CNTNAP2: variants seen among roughly 807,000 people sequenced by gnomAD.
The protein encoded by CNTNAP2 is contactin-associated protein-like 2.
In CNTNAP2, 98 loss-of-function variants were observed where a neutral mutation model predicts 155.2. The observed-to-expected ratio is 0.63, with a 90% CI of 0.54 to 0.75. The LOEUF (loss-of-function observed/expected upper bound fraction) is 0.75, where lower values mean the gene tolerates loss of function less well. CNTNAP2 is among the 30% of genes least tolerant of loss of function. The pLI, the probability that CNTNAP2 is intolerant of heterozygous loss-of-function variation, is 0.00. For missense variants in CNTNAP2, 1,727 were observed against 1,688.1 expected, an observed-to-expected ratio of 1.02 and a Z score of -0.40; for synonymous variants, 651 against 631.2, an observed-to-expected ratio of 1.03 and a Z score of -0.47.
At chr7:146,544,797 C>T (rs1798005568) in intron 1 of CNTNAP2, among the ~76,000 whole-genome samples, 1 of 151,732 alleles carries the variant, frequency 6.6e-6, no homozygotes, top group African/African-American at 2.4e-5. Context: ...GTGGTTCTTG[C>T]TAAGGAAGAT....
chr7:148,338,175 A>G (rs1798155124), intron 21 of CNTNAP2, among the ~76,000 whole-genome samples: 1 of 152,172 alleles, frequency 6.6e-6, no homozygotes, highest in South Asian at 2.1e-4. Context: ...ATGTTATATA[A>G]ATGGAGACAT....
intron 20 of CNTNAP2, among the ~76,000 whole-genome samples, chr7:148,246,261 T>C (rs1317702362): frequency 1.3e-5 from 2 of 152,256 alleles, no homozygotes; most frequent in Non-Finnish European, 2.9e-5. Context: ...AAAAAGGATG[T>C]GTCTGCTACG....
At chr7:148,298,984 A>C (rs1797332844) in intron 21 of CNTNAP2, among the ~76,000 whole-genome samples, 1 of 149,408 alleles carries the variant, frequency 6.7e-6, no homozygotes. Context: ...CACCTGGCCA[A>C]CTTTTTTTTT....
intron 2 of CNTNAP2, among the ~76,000 whole-genome samples, chr7:146,824,862 G>GTT (rs370961669): frequency 0.019 from 2,696 of 143,490 alleles, 51 homozygotes; most frequent in African/African-American, 0.05. Context: ...TTTTGGACCT[G>GTT]TTTTTTTTTT....
chr7:148,261,358 C>T (rs1241709176), intron 20 of CNTNAP2, among the ~76,000 whole-genome samples: 1 of 152,184 alleles, frequency 6.6e-6, no homozygotes, highest in Non-Finnish European at 1.5e-5. Context: ...TGGGGTTTCA[C>T]CATGTTGGCC....
At chr7:147,370,784 G>T (rs1796327429) in intron 9 of CNTNAP2, among the ~76,000 whole-genome samples, 1 of 152,034 alleles carries the variant, frequency 6.6e-6, no homozygotes. Context: ...TCTTTACATT[G>T]AATTTGATTT....
intron 1 of CNTNAP2, among the ~76,000 whole-genome samples, chr7:146,200,905 C>A (rs6464735): frequency 6.6e-6 from 1 of 152,098 alleles, no homozygotes; most frequent in African/African-American, 2.4e-5. Flanking sequence ...CCAAAAGAGA[C>A]GTTGCAGGGT....
At chr7:147,411,291 T>C (rs996918360) in intron 10 of CNTNAP2, among the ~76,000 whole-genome samples, 12 of 152,246 alleles carry the variant, frequency 7.9e-5, no homozygotes, top group African/African-American at 2.7e-4. Context: ...GGTATTTTAA[T>C]TGAGCACAAG....
At chr7:148,192,745 C>A (rs1053794260) in intron 18 of CNTNAP2, among the ~76,000 whole-genome samples, 1 of 152,174 alleles carries the variant, frequency 6.6e-6, no homozygotes, top group Non-Finnish European at 1.5e-5. Flanking sequence ...AGAGAGGAGG[C>A]AGTTAATTCA....
intron 1 of CNTNAP2, among the ~76,000 whole-genome samples, chr7:146,332,558 A>G (rs372357965): frequency 6.6e-6 from 1 of 152,150 alleles, no homozygotes; most frequent in African/African-American, 2.4e-5. Flanking sequence ...CCTTAGAAAT[A>G]TGTCACATAT....
chr7:147,461,520 A>G (rs943763887), intron 10 of CNTNAP2, among the ~76,000 whole-genome samples: 11 of 152,342 alleles, frequency 7.2e-5, no homozygotes, highest in African/African-American at 2.6e-4. Flanking sequence ...TTTCATGACC[A>G]TTTATAAAGT....
intron 13 of CNTNAP2, among the ~76,000 whole-genome samples, chr7:147,838,544 G>A (rs1798669282): frequency 6.6e-6 from 1 of 152,092 alleles, no homozygotes; most frequent in Non-Finnish European, 1.5e-5. Flanking sequence ...CAGATACTCT[G>A]AATCATCTCT....
intron 2 of CNTNAP2, among the ~76,000 whole-genome samples, chr7:146,785,691 CATAA>C (rs933895858): frequency 3.4e-4 from 52 of 152,274 alleles, no homozygotes; most frequent in Middle Eastern, 3.4e-3. Flanking sequence ...CAATTATCAT[CATAA>C]ATAAACTAGA....
intron 13 of CNTNAP2, among the ~76,000 whole-genome samples, chr7:147,726,073 G>A (rs1353044179): frequency 2.0e-5 from 3 of 151,986 alleles, no homozygotes; most frequent in South Asian, 2.1e-4. Flanking sequence ...ACAGTATGGC[G>A]ATAGAGAATA....
intron 14 of CNTNAP2, among the ~76,000 whole-genome samples, chr7:147,921,507 A>C (rs1281251902): frequency 2.0e-5 from 3 of 152,208 alleles, no homozygotes; most frequent in African/African-American, 2.4e-5. Context: ...TGTAAAATAG[A>C]CTTTTCCAAA....
At position 147,639,360 on chromosome 7, in the gene CNTNAP2, A is replaced by C. The variant is rs1795238570; in HGVS notation, c.2098+54A>C. The C allele has an allele frequency of 1.9e-6, 3 of 1,541,150 alleles. No individual in the cohort carries two copies. The Admixed American group carries it at 5.3e-5, about 27-fold the overall frequency. ...ATCACTATCTCAGCTGGTGCTTAGA[A>C]TTGCCTAAAGAATCCAACAGGTGTG... On this transcript the variant is annotated intron_variant, in intron 13 of 23. Transcript: ENST00000361727.
At chr7:148,314,108 C>A (rs977760699) in intron 21 of CNTNAP2, among the ~76,000 whole-genome samples, 11 of 151,988 alleles carry the variant, frequency 7.2e-5, no homozygotes, top group African/African-American at 2.7e-4. Context: ...GAATTGGAAC[C>A]TAGCTCGACC....
intron 1 of CNTNAP2, among the ~76,000 whole-genome samples, chr7:146,753,457 C>T (rs568734411): frequency 6.6e-6 from 1 of 151,844 alleles, no homozygotes; most frequent in African/African-American, 2.4e-5. Context: ...TAGAATTTAA[C>T]CAACTGTGTA....
chr7:146,623,328 A>G (rs1349208718), intron 1 of CNTNAP2, among the ~76,000 whole-genome samples: 3 of 152,066 alleles, frequency 2.0e-5, no homozygotes, highest in African/African-American at 7.2e-5. Context: ...TCTTCTGTAT[A>G]GTTCTATGGG....
Sources: allele counts gnomAD v4.1 joint callset (sites outside exome capture counted in the v4.1 genomes callset), GRCh38; gene constraint gnomAD v4.1.1; transcripts MANE v1.5; gene names NCBI Gene and HGNC (gene_info 2026-07-23, HGNC 2026-07-21).